ALLC: variants seen among roughly 807,000 people sequenced by gnomAD.
ALLC encodes the protein probable inactive allantoicase.
A neutral mutation model predicts 45.0 loss-of-function variants in ALLC; 40 were observed. The observed-to-expected ratio is 0.89, with a 90% CI of 0.69 to 1.16. The LOEUF (loss-of-function observed/expected upper bound fraction) is 1.16, where lower values mean the gene tolerates loss of function less well. Among genes scored for constraint, ALLC ranks in the 50% most tolerant of loss-of-function variants. The pLI is 0.00. For synonymous variants in ALLC, 176 were observed against 178.1 expected (o/e 0.99, Z 0.09); for missense variants, 488 against 493.1 (o/e 0.99, Z 0.10).
At chr2:3,648,541 A>G in the ALLC span, among the ~76,000 whole-genome samples, 3 of 152,194 alleles carry the variant, frequency 2.0e-5, no homozygotes, top group Non-Finnish European at 4.4e-5. Flanking sequence ...GGGATCCTGC[A>G]GGGTCTGGGG....
chr2:3,696,799 G>C (rs1164847185), intron 9 of ALLC, among the ~76,000 whole-genome samples: 1 of 152,172 alleles, frequency 6.6e-6, no homozygotes, highest in African/African-American at 2.4e-5. Flanking sequence ...ATTTGAGATA[G>C]AGAAACCAAG....
At chr2:3,681,813 C>A in intron 6 of ALLC, 100 bp downstream of exon 6, 1 of 928,348 alleles carries the variant, frequency 1.1e-6, no homozygotes, top group Admixed American at 2.6e-5. Context: ...CTTTGGGACG[C>A]CCAGCCCTGA....
chr2:3,653,390 G>A (rs973914336), upstream of ALLC, among the ~76,000 whole-genome samples: 5 of 152,216 alleles, frequency 3.3e-5, no homozygotes, highest in African/African-American at 1.2e-4. The surrounding 1 kb of genome is among the most constrained non-coding windows in gnomAD (Gnocchi z 4.1). Context: ...ATTGTGGCAG[G>A]GTTTGGAGAG....
chr2:3,692,263 G>A (rs1339445095), intron 7 of ALLC, among the ~76,000 whole-genome samples: 1 of 152,160 alleles, frequency 6.6e-6, no homozygotes, highest in African/African-American at 2.4e-5. Context: ...TTGCTTAGAT[G>A]TAGGGAGTGT....
At chr2:3,652,659 G>A in the ALLC span, among the ~76,000 whole-genome samples, 4,511 of 143,082 alleles carry the variant, frequency 0.032, 222 homozygotes, top group African/African-American at 0.11. Flanking sequence ...GCGTGATCTC[G>A]GCTCACTGCA....
At chr2:3,649,316 A>G in the ALLC span, among the ~76,000 whole-genome samples, 3 of 147,726 alleles carry the variant, frequency 2.0e-5, no homozygotes. Context: ...ATCTCGGCTC[A>G]CTGCAAACTC....
chr2:3,671,144 A>G lies in ALLC; in HGVS notation c.-14A>G. 1 of 1,610,508 alleles carries G rather than the reference A, an allele frequency of 6.2e-7. No individual in the cohort carries two copies. The highest frequency in any genetic ancestry group is 1.1e-5 in the South Asian group (1 of 89,726). ...GAGGGAAGACTGACCCGGTTTCTGG[A>G]CTTCACCCAGCTGATGGACATGGCA... On this transcript the variant is annotated 5_prime_UTR_variant, in exon 2 of 12. Coordinates refer to ENST00000252505, the MANE Select transcript of ALLC (RefSeq NM_018436.4).
the ALLC span, among the ~76,000 whole-genome samples, chr2:3,649,059 G>A: frequency 2.0e-5 from 3 of 152,114 alleles, no homozygotes; most frequent in Non-Finnish European, 2.9e-5. Flanking sequence ...CATGCACGCC[G>A]TAGACGGGTT....
intron 2 of ALLC, among the ~76,000 whole-genome samples, chr2:3,671,500 G>A (rs570866360): frequency 4.6e-5 from 7 of 150,794 alleles, no homozygotes; most frequent in African/African-American, 9.8e-5. Context: ...GAGTTAAATC[G>A]GAGGTCCTCT....
chr2:3,698,809 C>T (rs1432768064), intron 10 of ALLC, among the ~76,000 whole-genome samples: 2 of 151,550 alleles, frequency 1.3e-5, no homozygotes, highest in African/African-American at 2.4e-5. Flanking sequence ...ATGTGTACAA[C>T]GTGCGGGTTT....
In ALLC at chr2:3,696,282, C is replaced by T. The variant is rs577347942; in HGVS notation, c.675C>T (p.Gly225=). 104 of 1,611,972 alleles carry T rather than the reference C, an allele frequency of 6.5e-5. 1 individual carries two copies. The South Asian group carries it at 7.8e-4, about 12-fold the overall frequency. ...FGHPNNIIGV[G]GAKSMADGWE... is the part of the protein sequence containing the mutation. ...CAATGTTATTTTCTGTAGGAGTTGG[C>T]GGGGCAAAGTCTATGGCGGATGGTT... Residue 225 remains glycine (G), a synonymous_variant, in exon 9 of 12, where the codon GGC becomes GGT. Coordinates refer to ENST00000252505, the MANE Select transcript of ALLC (RefSeq NM_018436.4).
intron 3 of ALLC, among the ~76,000 whole-genome samples, chr2:3,677,291 A>G (rs1667048603): frequency 6.6e-6 from 1 of 151,956 alleles, no homozygotes; most frequent in Admixed American, 6.6e-5. Flanking sequence ...AAAACTAAAC[A>G]CCAAAAAGTT....
In ALLC at chr2:3,680,711, G is replaced by A. The variant is rs1667154718; in HGVS notation, c.298+717G>A. Among the ~76,000 whole-genome samples, 1 of 151,912 alleles carries A rather than the reference G, an allele frequency of 6.6e-6. No individual in the cohort carries two copies. The highest frequency in any genetic ancestry group is 2.4e-5 in the African/African-American group (1 of 41,358). ...CAGGGCTCACATGCTGTAGGGAAAG[G>A]GTCTGCGTGCTCCAGCGGGACAACT... On this transcript the variant is annotated intron_variant, in intron 5 of 11. Coordinates refer to ENST00000252505, the MANE Select transcript of ALLC (RefSeq NM_018436.4). This position sits in a 1 kb window ranked among gnomAD's most constrained non-coding sequence, Gnocchi z 4.0.
At chr2:3,647,061 C>T in the ALLC span, among the ~76,000 whole-genome samples, 1 of 152,102 alleles carries the variant, frequency 6.6e-6, no homozygotes, top group Admixed American at 6.6e-5. Flanking sequence ...CCCTCAGCCC[C>T]CGCACCCCTC....
chr2:3,673,330 G>T (rs1398958088), intron 2 of ALLC, among the ~76,000 whole-genome samples: 1 of 152,176 alleles, frequency 6.6e-6, no homozygotes, highest in Admixed American at 6.5e-5. Flanking sequence ...GAGCAAGGGG[G>T]ATCCTGATAT....
At chr2:3,658,055 T>C (rs1666481332), upstream of ALLC, 1 of 152,462 alleles carries the variant, frequency 6.6e-6, no homozygotes, top group South Asian at 2.1e-4. Flanking sequence ...CTTCGGGCCT[T>C]GTGCGAGGGT....
intron 7 of ALLC, among the ~76,000 whole-genome samples, chr2:3,692,236 G>A (rs1667541834): frequency 6.6e-6 from 1 of 152,104 alleles, no homozygotes; most frequent in South Asian, 2.1e-4. Flanking sequence ...GGTTGTTTCA[G>A]TTTTTGTTGA....
At chr2:3,666,333 T>C (rs1452816441) in intron 1 of ALLC, among the ~76,000 whole-genome samples, 1 of 152,188 alleles carries the variant, frequency 6.6e-6, no homozygotes, top group African/African-American at 2.4e-5. Flanking sequence ...TGTTTTGTAG[T>C]GACTTAGCGT....
At chr2:3,700,172 T>C (rs1234356478) in intron 10 of ALLC, among the ~76,000 whole-genome samples, 1 of 152,372 alleles carries the variant, frequency 6.6e-6, no homozygotes, top group African/African-American at 2.4e-5. Context: ...AGTTGATTTT[T>C]GTATATGGTG....
Sources: gnomAD v4.1 joint callset for allele counts (sites outside exome capture counted in the v4.1 genomes callset) on GRCh38, gnomAD v4.1.1 for gene constraint, Gnocchi (gnomAD v3.1) non-coding constraint, MANE v1.5 for transcripts, NCBI Gene and HGNC (gene_info 2026-07-23, HGNC 2026-07-21) for gene names.